GAS7: variants seen among roughly 807,000 people sequenced by gnomAD.
The protein encoded by GAS7 is growth arrest-specific protein 7.
In GAS7, 28 loss-of-function variants were observed where a neutral mutation model predicts 71.1. The ratio of observed to expected loss-of-function variants is 0.39; its 90% confidence interval spans 0.29 to 0.54. The LOEUF (loss-of-function observed/expected upper bound fraction) is 0.54. GAS7 is among the 20% of genes least tolerant of loss of function. The probability of loss-of-function intolerance (pLI) is 0.62; values close to 1 mark genes in which losing one functional copy is unlikely to be tolerated. For synonymous variants in GAS7, 258 were observed against 245.8 expected, an observed-to-expected ratio of 1.05 and a Z score of -0.46; for missense variants, 436 against 627.8, an observed-to-expected ratio of 0.69 and a Z score of 3.27.
At chr17:10,150,591 C>CTTT (rs3051271) in intron 1 of GAS7, among the ~76,000 whole-genome samples, 1 of 118,954 alleles carries the variant, frequency 8.4e-6, no homozygotes, top group Non-Finnish European at 1.6e-5. Flanking sequence ...TGTTACATTT[C>CTTT]TTTTTTTTTT....
intron 1 of GAS7, among the ~76,000 whole-genome samples, chr17:10,073,365 C>T (rs1019565412): frequency 2.0e-5 from 3 of 152,222 alleles, no homozygotes; most frequent in Admixed American, 2.0e-4. Context: ...CCAGCCAGTG[C>T]AGGCTTGGAT....
intron 1 of GAS7, among the ~76,000 whole-genome samples, chr17:10,135,120 C>A (rs915697409): frequency 6.6e-6 from 1 of 152,126 alleles, no homozygotes; most frequent in Admixed American, 6.6e-5. Flanking sequence ...TGTGAGCCAA[C>A]GCAGCCCGGC....
At chr17:10,045,651 C>G (rs755814708) in intron 1 of GAS7, among the ~76,000 whole-genome samples, 1 of 152,124 alleles carries the variant, frequency 6.6e-6, no homozygotes, top group Non-Finnish European at 1.5e-5. Context: ...GAGCTGAGAT[C>G]GCGCCATTGC....
chr17:9,926,665 G>A lies in GAS7; in HGVS notation c.990C>T (p.Ala330=). 6.2e-7 allele frequency: 1 copy of A among 1,613,798 alleles called. No individual in the cohort carries two copies. The change falls in exon 10 of 14, where the codon GCC becomes GCT. Residue 330 remains alanine, a synonymous_variant. Transcript: ENST00000432992. The surrounding 1 kb of genome is among the most constrained non-coding windows in gnomAD (Gnocchi z 5.0). The part of the protein sequence containing the change: ...HHIADLRKQL[A]SRYASVEKAR... Reference sequence around the variant, plus strand: ...CCTTCTCCACCGAGGCATAGCGGCTGGCGAGCTGCTTGCGAAGGTCGGCAA... The same window carrying A: ...CCTTCTCCACCGAGGCATAGCGGCTAGCGAGCTGCTTGCGAAGGTCGGCAA...
intron 1 of GAS7, among the ~76,000 whole-genome samples, chr17:10,094,191 C>T (rs573204312): frequency 3.3e-5 from 5 of 152,350 alleles, no homozygotes; most frequent in African/African-American, 1.2e-4. Context: ...AGGCCCCAGG[C>T]ACTCAGCAAG....
intron 5 of GAS7, among the ~76,000 whole-genome samples, chr17:9,949,414 T>C (rs1230883863): frequency 6.6e-6 from 1 of 152,210 alleles, no homozygotes; most frequent in Admixed American, 6.5e-5. Context: ...TAACACCATG[T>C]AGGCCCAACA....
At chr17:9,986,965 G>T (rs528692950) in intron 2 of GAS7, among the ~76,000 whole-genome samples, 2 of 152,310 alleles carry the variant, frequency 1.3e-5, no homozygotes, top group East Asian at 3.9e-4. Context: ...AGCAGGACAA[G>T]TCACCCCAGA....
intron 1 of GAS7, among the ~76,000 whole-genome samples, chr17:10,069,194 C>A (rs555783996): frequency 1.8e-4 from 27 of 152,292 alleles, no homozygotes; most frequent in African/African-American, 5.5e-4. Context: ...TGCCAGCAGG[C>A]CTTTCTAAGG....
At chr17:9,947,192 C>T (rs552805353) in intron 5 of GAS7, among the ~76,000 whole-genome samples, 64 of 152,300 alleles carry the variant, frequency 4.2e-4, no homozygotes, top group African/African-American at 1.5e-3. Context: ...AGTACCACCT[C>T]TCTAGATGGC....
At chr17:9,982,763 G>A (rs936529379) in intron 2 of GAS7, among the ~76,000 whole-genome samples, 45 of 147,936 alleles carry the variant, frequency 3.0e-4, no homozygotes, top group African/African-American at 1.1e-3. Flanking sequence ...GAGACAGAAT[G>A]AGACTCTGCC....
At chr17:9,989,228 C>T (rs1212948986) in intron 2 of GAS7, among the ~76,000 whole-genome samples, 1 of 152,126 alleles carries the variant, frequency 6.6e-6, no homozygotes, top group African/African-American at 2.4e-5. Context: ...TTTCTGGCCA[C>T]ACTCACCGTG....
At position 9,915,859 on chromosome 17, in the gene GAS7, GT is replaced by G. The variant is rs542793720; in HGVS notation, c.*1368del. ...TTTAGACTGACATGGTGGAGAATGT[GT>G]TTGCTGTGGTAGAGAAAGGGAGAAA... is the stretch of plus-strand genomic sequence containing the variant. On this transcript the variant is annotated 3_prime_UTR_variant, in exon 14 of 14. Transcript: ENST00000432992. 3.6e-4 allele frequency: 84 copies of G among 232,020 alleles called. 1 individual carries two copies. Among genetic ancestry groups the G allele is most frequent in the African/African-American group, 1.6e-3 (73 of 45,400 alleles). The allele number at this position is 232,020 out of a possible 1,614,324, so 14.4% of individuals were successfully genotyped here.
intron 1 of GAS7, among the ~76,000 whole-genome samples, chr17:10,158,003 G>A (rs930932974): frequency 8.6e-5 from 13 of 152,042 alleles, no homozygotes; most frequent in African/African-American, 2.9e-4. Flanking sequence ...ACAAAATCCT[G>A]TTATTTTATT....
chr17:10,045,380 C>T (rs1259904582), intron 1 of GAS7, among the ~76,000 whole-genome samples: 5 of 152,138 alleles, frequency 3.3e-5, no homozygotes, highest in Non-Finnish European at 7.4e-5. Context: ...TATAAAATTT[C>T]TATGTGTCCC....
Position 9,913,524 on chromosome 17 carries a change from G to A in GAS7, c.*3704C>T, listed in dbSNP as rs2067495997. On this transcript the variant is annotated 3_prime_UTR_variant, in exon 14 of 14. Transcript: ENST00000432992. ...AATTGATTGGTTTTCACAAAGGGTA[G>A]GGAAAGAAACCCCTGGTTGGTGAAT... is the stretch of plus-strand genomic sequence containing the variant. The A allele has an allele frequency of 4.3e-6, 1 of 231,874 alleles. No homozygotes were observed. The highest frequency in any genetic ancestry group is 1.8e-4 in the South Asian group (1 of 5,508). The allele number at this position is 231,874 out of a possible 1,614,324, so 14.4% of individuals were successfully genotyped here.
intron 1 of GAS7, among the ~76,000 whole-genome samples, chr17:10,086,703 A>C (rs546812630): frequency 6.6e-6 from 1 of 152,362 alleles, no homozygotes; most frequent in South Asian, 2.1e-4. Flanking sequence ...TGGCATGTGG[A>C]AGAAATAATT....
intron 1 of GAS7, among the ~76,000 whole-genome samples, chr17:10,142,202 C>T (rs1456733919): frequency 1.6e-5 from 2 of 128,960 alleles, no homozygotes; most frequent in East Asian, 2.3e-4. Context: ...GGCGACACAG[C>T]GAGACTCTGT....
At chr17:10,147,947 A>G (rs2142104079) in intron 1 of GAS7, among the ~76,000 whole-genome samples, 1 of 152,296 alleles carries the variant, frequency 6.6e-6, no homozygotes, top group South Asian at 2.1e-4. Context: ...ACCTGGCCGC[A>G]AATCACAAAT....
At position 9,974,250 on chromosome 17, in the gene GAS7, T is replaced by C. The variant is rs1000493487; in HGVS notation, c.386-4488A>G. Among the ~76,000 whole-genome samples the C allele has an allele frequency of 2.0e-5, 3 of 152,220 alleles. No homozygotes were observed. The highest frequency in any genetic ancestry group is 2.1e-4 in the South Asian group (1 of 4,824). On this transcript the variant is annotated intron_variant, in intron 3 of 13. Transcript: ENST00000432992. This position sits in a 1 kb window ranked among gnomAD's most constrained non-coding sequence, Gnocchi z 4.0. The stretch of plus-strand genomic sequence containing the variant: ...TCGGACACCCTGTCTGGCTGCGTTA[T>C]CACTTGAAGTCTCCCGGGCACATTC...
Sources: allele counts gnomAD v4.1 joint callset (sites outside exome capture counted in the v4.1 genomes callset), GRCh38; gene constraint gnomAD v4.1.1; non-coding constraint Gnocchi (gnomAD v3.1); transcripts MANE v1.5; gene names NCBI Gene and HGNC (gene_info 2026-07-23, HGNC 2026-07-21).